Variants in YY1 observed in about 807,000 individuals in gnomAD.
YY1 encodes the protein transcriptional repressor protein YY1.
A neutral mutation model predicts 35.6 loss-of-function variants in YY1; 2 were observed. The ratio of observed to expected loss-of-function variants is 0.06; its 90% CI spans 0.02 to 0.18. The LOEUF is 0.18. Among genes scored for constraint, YY1 ranks in the 10% least tolerant of loss-of-function variants. The pLI is 1.00. For synonymous variants in YY1, 268 were observed against 238.9 expected (o/e 1.12, Z -1.12); for missense variants, 322 against 573.4 (o/e 0.56, Z 4.48).
chr14:100,260,771 CTTTTTTTTTTTTTTTTTTTTTT>C lies in YY1; in HGVS notation c.680-1515_680-1494del, dbSNP rs71113254. ...CAGGTGTGAGCCACCGTGCCTGGTCCTTTTTTTTTTTTTTTTTTTTTTTTTTTTTTTTTTTTTTTGGAGGCAG... is the reference window on the plus strand; with the variant it reads ...CAGGTGTGAGCCACCGTGCCTGGTCCTTTTTTTTTTTTTTTTTGGAGGCAG... On this transcript the variant is annotated intron_variant, in intron 1 of 4. Transcript: ENST00000262238. 3.4e-3 allele frequency among the ~76,000 whole-genome samples: 145 copies of C among 42,570 alleles called. 1 individual carries two copies. Among genetic ancestry groups the C allele is most frequent in the African/African-American group, 0.011 (115 of 10,870 alleles). 27.9% of individuals were successfully genotyped at this position (42,570 alleles called of 152,430 possible).
chr14:100,274,867 G>T, intron 3 of YY1, 109 bp downstream of exon 3: 2 of 1,109,472 alleles, frequency 1.8e-6, no homozygotes, highest in Non-Finnish European at 1.3e-6. Flanking sequence ...ATGAAGCAAG[G>T]AATTAGAATC....
chr14:100,274,065 C>G (rs1005587979), intron 2 of YY1, among the ~76,000 whole-genome samples: 5 of 152,144 alleles, frequency 3.3e-5, no homozygotes, highest in African/African-American at 9.7e-5. Context: ...GGAGCTCTCT[C>G]CCCAAAGTAA....
chr14:100,241,291 CTGAA>C (rs1199905517), intron 1 of YY1, among the ~76,000 whole-genome samples: 3 of 152,126 alleles, frequency 2.0e-5, no homozygotes, highest in Non-Finnish European at 4.4e-5. Context: ...ATTCTCAGAA[CTGAA>C]TGGAGACTCA....
At chr14:100,259,606 G>C (rs1891052668) in intron 1 of YY1, among the ~76,000 whole-genome samples, 1 of 152,072 alleles carries the variant, frequency 6.6e-6, no homozygotes, top group African/African-American at 2.4e-5. Context: ...CAAAGAAAAG[G>C]TAGGAATCAA....
intron 1 of YY1, among the ~76,000 whole-genome samples, chr14:100,250,399 C>A (rs1890906689): frequency 6.6e-6 from 1 of 151,860 alleles, no homozygotes; most frequent in Non-Finnish European, 1.5e-5. Flanking sequence ...CTGGAGTGGC[C>A]TAAGATAGAA....
chr14:100,275,795 C>G (rs1479484677), intron 3 of YY1: 2 of 154,384 alleles, frequency 1.3e-5, no homozygotes, highest in African/African-American at 2.4e-5. Flanking sequence ...CCCATTCACT[C>G]CATTACTGGG....
chr14:100,261,876 T>G (rs898078394), intron 1 of YY1, among the ~76,000 whole-genome samples: 5 of 152,130 alleles, frequency 3.3e-5, no homozygotes, highest in Non-Finnish European at 5.9e-5. Context: ...AGGCTGGGTG[T>G]GGTGGCTCAT....
intron 1 of YY1, among the ~76,000 whole-genome samples, chr14:100,261,502 G>T (rs1891086155): frequency 6.6e-6 from 1 of 152,154 alleles, no homozygotes; most frequent in Non-Finnish European, 1.5e-5. Flanking sequence ...ACATATATTT[G>T]TTGAGGGCCA....
chr14:100,268,932 C>T (rs991203471), intron 2 of YY1, among the ~76,000 whole-genome samples: 4 of 152,196 alleles, frequency 2.6e-5, no homozygotes, highest in South Asian at 2.1e-4. Context: ...GTTAGAACTT[C>T]GGTTTACACA....
intron 1 of YY1, among the ~76,000 whole-genome samples, chr14:100,246,476 G>A (rs1231359750): frequency 6.6e-6 from 1 of 152,152 alleles, no homozygotes; most frequent in Non-Finnish European, 1.5e-5. Context: ...GGGGATGTGG[G>A]GTGGTGAGAC....
Position 100,278,904 on chromosome 14 carries a change from C to G in YY1, c.*1304C>G, listed in dbSNP as rs1891369037. 6.6e-6 allele frequency: 1 copy of G among 152,244 alleles called. No homozygotes were observed. The highest frequency in any genetic ancestry group is 1.5e-5 in the Non-Finnish European group (1 of 68,052). 9.4% of individuals were successfully genotyped at this position (152,244 alleles called of 1,614,324 possible). A position where few individuals can be genotyped will look rare whatever the true frequency, so the allele number is the denominator to read the frequency against. On this transcript the variant is annotated 3_prime_UTR_variant, in exon 5 of 5. Coordinates refer to ENST00000262238, the MANE Select transcript of YY1 (RefSeq NM_003403.5). ...AGAGGCAGCTCCAGCAGGACCTTGG[C>G]TTGTCTGACAGGAAATGCTTGTGGT...
chr14:100,255,033 G>GT (rs1460136598), intron 1 of YY1, among the ~76,000 whole-genome samples: 1 of 129,808 alleles, frequency 7.7e-6, no homozygotes, highest in African/African-American at 2.9e-5. Flanking sequence ...TACTGACCTC[G>GT]TGATCCACCC....
rs912605520 is a variant in YY1 at position 100,277,150 on chromosome 14, A to G, written c.1063-268A>G. 1 of 546,900 alleles carries G rather than the reference A, an allele frequency of 1.8e-6. No individual in the cohort carries two copies. The highest frequency in any genetic ancestry group is 1.9e-5 in the African/African-American group (1 of 53,010). The allele number at this position is 546,900 out of a possible 1,614,324, so 33.9% of individuals were successfully genotyped here. On this transcript the variant is annotated intron_variant, in intron 4 of 4. Transcript: ENST00000262238. The surrounding 1 kb of genome is among the most constrained non-coding windows in gnomAD (Gnocchi z 5.6). ...TTGTATTTTACTGTTGGAAATGTTT[A>G]CAGCAGCACTAGGACTCTAGCCTGC...
In YY1 at chr14:100,239,202, AGGAGCCGAGGCCGCCGCGGCCGTGGCGGC is replaced by A. The variant is rs764266883; in HGVS notation, c.-36_-8del. 35 of 1,393,530 alleles carry A rather than the reference AGGAGCCGAGGCCGCCGCGGCCGTGGCGGC, an allele frequency of 2.5e-5. No homozygotes were observed. Among genetic ancestry groups the A allele is most frequent in the Non-Finnish European group, 1.8e-5 (19 of 1,079,010 alleles). 86.3% of individuals were successfully genotyped at this position (1,393,530 alleles called of 1,614,324 possible). A position where few individuals can be genotyped will look rare whatever the true frequency, so the allele number is the denominator to read the frequency against. On this transcript the variant is annotated 5_prime_UTR_variant, in exon 1 of 5. Coordinates refer to ENST00000262238, the MANE Select transcript of YY1 (RefSeq NM_003403.5). ...CTCCTCGCCCGCCCGCCCGCAGCCG[AGGAGCCGAGGCCGCCGCGGCCGTGGCGGC>A]GGAGCCCTCAGCCATGGCCTCGGGC...
intron 2 of YY1, among the ~76,000 whole-genome samples, chr14:100,268,331 A>G (rs3783340): frequency 0.25 from 38,314 of 152,094 alleles, 4,922 homozygotes; most frequent in Middle Eastern, 0.36. Context: ...CTTTAATTGG[A>G]AAGTCTGACA....
rs1891335084 is a variant in YY1, at chr14:100,277,245, G to A, written c.1063-173G>A. ...TGAGGGCTCTCCTTGGGTTTTCGGG[G>A]TTGTCCAACCTGCCTGCTGATTCTA... On this transcript the variant is annotated intron_variant, in intron 4 of 4. Transcript: ENST00000262238. This position sits in a 1 kb window ranked among gnomAD's most constrained non-coding sequence, Gnocchi z 5.6. 1.4e-5 allele frequency: 11 copies of A among 811,716 alleles called. No homozygotes were observed. The highest frequency in any genetic ancestry group is 1.8e-5 in the Non-Finnish European group (9 of 496,246). The allele number at this position is 811,716 out of a possible 1,614,324, so 50.3% of individuals were successfully genotyped here.
intron 2 of YY1, among the ~76,000 whole-genome samples, chr14:100,273,008 C>G (rs983877931): frequency 3.1e-4 from 45 of 144,508 alleles, no homozygotes; most frequent in African/African-American, 1.1e-3. Flanking sequence ...GCCGCCTAGG[C>G]TGGAGTGCAG....
At chr14:100,255,769 C>G (rs192944359) in intron 1 of YY1, among the ~76,000 whole-genome samples, 6 of 152,248 alleles carry the variant, frequency 3.9e-5, no homozygotes, top group Non-Finnish European at 8.8e-5. Context: ...TTGCTGTATG[C>G]CACTTGGCAC....
chr14:100,243,185 G>A (rs1890777047), intron 1 of YY1, among the ~76,000 whole-genome samples: 2 of 152,242 alleles, frequency 1.3e-5, no homozygotes, highest in African/African-American at 4.8e-5. Context: ...GATATACTCA[G>A]TATAATTCCA....
Sources: allele counts gnomAD v4.1 joint callset (sites outside exome capture counted in the v4.1 genomes callset), GRCh38; gene constraint gnomAD v4.1.1; non-coding constraint Gnocchi (gnomAD v3.1); transcripts MANE v1.5; gene names NCBI Gene and HGNC (gene_info 2026-07-23, HGNC 2026-07-21).